The following RALYL variants were observed in gnomAD, a reference collection of about 807,000 sequenced individuals.
The protein encoded by RALYL is RALY RNA binding protein like.
Under a neutral mutation model 35.1 loss-of-function variants are expected in RALYL, and 29 were observed. The observed-to-expected ratio is 0.83, with a 90% CI of 0.61 to 1.13. The LOEUF is 1.13. Among genes scored for constraint, RALYL ranks in the 50% most tolerant of loss-of-function variants. RALYL has a pLI of 0.00. For synonymous variants in RALYL, 120 were observed against 127.6 expected (o/e 0.94, Z 0.40); for missense variants, 359 against 360.4 (o/e 1.00, Z 0.03).
At chr8:84,825,629 A>G (rs369213580) in intron 4 of RALYL, among the ~76,000 whole-genome samples, 10 of 152,304 alleles carry the variant, frequency 6.6e-5, no homozygotes, top group African/African-American at 2.4e-4. Flanking sequence ...GCAATTTGGA[A>G]GGCCGAGGCA....
chr8:84,668,949 A>ACATCCATC (rs529680899), intron 2 of RALYL, among the ~76,000 whole-genome samples: 1,575 of 150,692 alleles, frequency 0.01, 23 homozygotes, highest in African/African-American at 0.035. Context: ...GTTCAACAAC[A>ACATCCATC]CATCCATCCA....
intron 6 of RALYL, among the ~76,000 whole-genome samples, chr8:84,867,929 G>T (rs1839469990): frequency 1.3e-5 from 2 of 152,056 alleles, no homozygotes. Context: ...GGGCAGGGGG[G>T]ACCAGAAAAT....
chr8:84,822,130 A>G (rs1247189942), intron 4 of RALYL, among the ~76,000 whole-genome samples: 2 of 152,174 alleles, frequency 1.3e-5, no homozygotes, highest in African/African-American at 4.8e-5. Flanking sequence ...CTAAATTATC[A>G]TATCATGCAA....
At chr8:84,423,116 G>C (rs1255710454) in intron 1 of RALYL, among the ~76,000 whole-genome samples, 3 of 150,480 alleles carry the variant, frequency 2.0e-5, no homozygotes, top group South Asian at 4.2e-4. Flanking sequence ...TTGACTTTCT[G>C]TCTCGTTGAT....
intron 1 of RALYL, among the ~76,000 whole-genome samples, chr8:84,506,983 T>A (rs1486665131): frequency 6.6e-6 from 1 of 152,056 alleles, no homozygotes; most frequent in African/African-American, 2.4e-5. Context: ...AGTAAGACTG[T>A]CATCTAGCTG....
intron 1 of RALYL, among the ~76,000 whole-genome samples, chr8:84,206,084 A>C (rs1243042573): frequency 6.6e-6 from 1 of 152,164 alleles, no homozygotes; most frequent in African/African-American, 2.4e-5. Flanking sequence ...TTACCTCTTT[A>C]AAGGCCCTTT....
At chr8:84,597,379 C>G (rs1814812936) in intron 2 of RALYL, among the ~76,000 whole-genome samples, 1 of 152,162 alleles carries the variant, frequency 6.6e-6, no homozygotes, top group African/African-American at 2.4e-5. Context: ...GTGCTCACCT[C>G]TTAATTATCA....
intron 4 of RALYL, among the ~76,000 whole-genome samples, chr8:84,831,171 T>C (rs932032156): frequency 1.1e-4 from 17 of 152,028 alleles, no homozygotes; most frequent in Non-Finnish European, 1.5e-5. Flanking sequence ...AAAAGTAAAA[T>C]ATATAATTCA....
intron 2 of RALYL, among the ~76,000 whole-genome samples, chr8:84,746,662 A>G (rs1808677556): frequency 1.3e-5 from 2 of 152,098 alleles, no homozygotes; most frequent in South Asian, 2.1e-4. Context: ...AATTACATAC[A>G]AATGTTCCAC....
At chr8:84,327,942 A>G (rs1846118948) in intron 1 of RALYL, among the ~76,000 whole-genome samples, 1 of 152,190 alleles carries the variant, frequency 6.6e-6, no homozygotes, top group Non-Finnish European at 1.5e-5. Flanking sequence ...AAAGCTAACT[A>G]AAAAATGATT....
intron 4 of RALYL, among the ~76,000 whole-genome samples, chr8:84,834,146 C>T (rs1472332022): frequency 3.3e-5 from 5 of 152,140 alleles, no homozygotes; most frequent in Admixed American, 6.6e-5. Context: ...GTGTACTCTT[C>T]GACTACGTGT....
intron 1 of RALYL, among the ~76,000 whole-genome samples, chr8:84,448,434 T>A (rs575537209): frequency 2.7e-3 from 406 of 152,176 alleles, no homozygotes; most frequent in African/African-American, 8.4e-3. Context: ...TGTTAGTTTT[T>A]AAAAAGATAC....
intron 1 of RALYL, among the ~76,000 whole-genome samples, chr8:84,360,746 G>T (rs1437045344): frequency 2.0e-5 from 3 of 152,084 alleles, no homozygotes; most frequent in Non-Finnish European, 4.4e-5. Flanking sequence ...CTCTAGGGAG[G>T]TATGTGATAT....
chr8:84,190,947 C>T (rs1364295475), intron 1 of RALYL, among the ~76,000 whole-genome samples: 1 of 151,636 alleles, frequency 6.6e-6, no homozygotes, highest in African/African-American at 2.4e-5. Context: ...CACTGAAGCT[C>T]AGAAAAAGTA....
At chr8:84,796,625 G>A (rs2133916347) in intron 3 of RALYL, among the ~76,000 whole-genome samples, 1 of 152,226 alleles carries the variant, frequency 6.6e-6, no homozygotes, top group Admixed American at 6.5e-5. Flanking sequence ...TTGTAACAAA[G>A]CTTTTTTAAA....
intron 1 of RALYL, among the ~76,000 whole-genome samples, chr8:84,299,230 A>C (rs1469399452): frequency 6.6e-6 from 1 of 151,728 alleles, no homozygotes; most frequent in Non-Finnish European, 1.5e-5. Context: ...GATGACCATG[A>C]GGTTTTTGGT....
intron 1 of RALYL, among the ~76,000 whole-genome samples, chr8:84,205,999 T>C (rs1018295722): frequency 1.3e-4 from 20 of 152,068 alleles, no homozygotes; most frequent in African/African-American, 3.9e-4. Flanking sequence ...GTTTTCTCAA[T>C]CTCCTCTTCT....
At chr8:84,403,524 G>GGT (rs2043141786) in intron 1 of RALYL, among the ~76,000 whole-genome samples, 3 of 39,426 alleles carry the variant, frequency 7.6e-5, no homozygotes, top group African/African-American at 2.1e-4. Context: ...CTATATCTCT[G>GGT]TTTTTTTTTT....
In RALYL at chr8:84,750,337, A is replaced by G. The variant is rs116981331; in HGVS notation, c.257-24242A>G. 5.1e-3 allele frequency among the ~76,000 whole-genome samples: 776 copies of G among 152,330 alleles called. 1 individual carries two copies. Among genetic ancestry groups the G allele is most frequent in the Non-Finnish European group, 9.1e-3 (622 of 68,020 alleles). On this transcript the variant is annotated intron_variant, in intron 2 of 8. Transcript: ENST00000521268. Reference sequence around the variant, plus strand: ...AACAAGATAGAAACTACCTTTACACATTAGTCTGAACGCAACCTATCTAAG... The same window carrying G: ...AACAAGATAGAAACTACCTTTACACGTTAGTCTGAACGCAACCTATCTAAG...
Sources: gnomAD v4.1 joint callset for allele counts (sites outside exome capture counted in the v4.1 genomes callset) on GRCh38, gnomAD v4.1.1 for gene constraint, MANE v1.5 for transcripts, NCBI Gene and HGNC (gene_info 2026-07-23, HGNC 2026-07-21) for gene names.